The following ETV5 variants were observed in gnomAD, a reference collection of about 807,000 sequenced individuals.
ETV5 encodes ETS variant transcription factor 5.
ETV5 carries 10 observed loss-of-function variants against 70.0 expected under a neutral mutation model. The observed-to-expected ratio is 0.14, with a 90% confidence interval of 0.09 to 0.24. ETV5 has a LOEUF of 0.24. Ranked by LOEUF, ETV5 falls within the 10% of genes least tolerant of loss-of-function variation. The pLI, the probability that ETV5 is intolerant of heterozygous loss-of-function variation, is 1.00. For missense variants in ETV5, 453 were observed against 651.2 expected, an observed-to-expected ratio of 0.70 and a Z score of 3.31; for synonymous variants, 216 against 242.2, an observed-to-expected ratio of 0.89 and a Z score of 1.01.
Position 186,048,617 on chromosome 3 carries a change from G to T in ETV5, c.*22C>A, listed in dbSNP as rs770312835. 2 of 1,606,116 alleles carry T rather than the reference G, an allele frequency of 1.2e-6. No individual in the cohort carries two copies. Among genetic ancestry groups the T allele is most frequent in the East Asian group, 4.5e-5 (2 of 44,846 alleles). ...ATGGGAACTGCTAGCTCTAGGGTTT[G>T]GCCACTCCGCCACTCAGAAACTTAG... On this transcript the variant is annotated 3_prime_UTR_variant, in exon 13 of 13. Transcript: ENST00000306376.
intron 6 of ETV5, 23 bp from the exon 7 acceptor site, chr3:186,080,127 A>G: frequency 6.9e-7 from 1 of 1,456,418 alleles, no homozygotes. Flanking sequence ...AAAGAGAAGG[A>G]ACCATTAAGC....
At chr3:186,068,160 T>A (rs1355287244) in intron 7 of ETV5, among the ~76,000 whole-genome samples, 1 of 152,240 alleles carries the variant, frequency 6.6e-6, no homozygotes, top group Non-Finnish European at 1.5e-5. Context: ...ACTACAAAGA[T>A]GGTCACCAAT....
At chr3:186,056,949 C>T in intron 11 of ETV5, 126 bp downstream of exon 11, 1 of 1,112,596 alleles carries the variant, frequency 9.0e-7, no homozygotes, top group Non-Finnish European at 1.3e-6. Flanking sequence ...GCCCACTGGC[C>T]AGGCCAGAAT....
intron 6 of ETV5, 122 bp downstream of exon 6, chr3:186,080,924 A>G (rs1713918397): frequency 1.7e-6 from 2 of 1,205,472 alleles, no homozygotes. Flanking sequence ...CTGCCATGAA[A>G]GAAGGATATG....
At chr3:186,107,070 T>A in intron 1 of ETV5, 1 of 391,878 alleles carries the variant, frequency 2.6e-6, no homozygotes, top group Non-Finnish European at 3.5e-6. Flanking sequence ...ACACTGTGTG[T>A]AGCATATCAA....
chr3:186,070,523 GA>G (rs1713607174), intron 7 of ETV5, among the ~76,000 whole-genome samples: 1 of 152,246 alleles, frequency 6.6e-6, no homozygotes, highest in South Asian at 2.1e-4. Flanking sequence ...CTATAATTGG[GA>G]TTGTTCCGTA....
rs746783130 is a variant in ETV5, at chr3:186,066,089, G to A, written c.651-17C>T. ...CTCTGAAATCTGTAAGAAGAAAGAG[G>A]TTTTCATGTTGAACAAAGACTTGAT... On this transcript the variant is annotated splice_polypyrimidine_tract_variant and intron_variant, in intron 7 of 12. Coordinates refer to ENST00000306376, the MANE Select transcript of ETV5 (RefSeq NM_004454.3). The A allele has an allele frequency of 2.5e-5, 38 of 1,546,316 alleles. No homozygotes were observed. The highest frequency in any genetic ancestry group is 3.2e-5 in the Non-Finnish European group (37 of 1,148,852).
intron 1 of ETV5, among the ~76,000 whole-genome samples, chr3:186,107,946 GC>G (rs1191387596): frequency 1.3e-5 from 2 of 149,148 alleles, no homozygotes; most frequent in African/African-American, 5.0e-5. Flanking sequence ...TCCGACGCAG[GC>G]CCCTCACCCC....
rs1712952562 is a variant in ETV5 at position 186,048,932 on chromosome 3, T to G, written c.1312-72A>C. ...GGGATCAGGGGAAGAGAACGAGGTA[T>G]TCCTAAGTCACAAAGCCAGGGACCA... On this transcript the variant is annotated intron_variant, in intron 12 of 12. Transcript: ENST00000306376. The G allele has an allele frequency of 1.9e-5, 24 of 1,292,766 alleles. No individual in the cohort carries two copies. In the South Asian group the frequency reaches 3.0e-4, roughly 16 times the overall value. The allele number at this position is 1,292,766 out of a possible 1,614,324, so 80.1% of individuals were successfully genotyped here. A position where few individuals can be genotyped will look rare whatever the true frequency, so the allele number is the denominator to read the frequency against.
In ETV5 at chr3:186,105,533, T is replaced by A; in HGVS notation, c.134-37A>T. 1.2e-6 allele frequency: 2 copies of A among 1,613,630 alleles called. No individual in the cohort carries two copies. Among genetic ancestry groups the A allele is most frequent in the Non-Finnish European group, 1.7e-6 (2 of 1,179,596 alleles). On this transcript the variant is annotated intron_variant, in intron 3 of 12. Transcript: ENST00000306376. The surrounding 1 kb of genome is among the most constrained non-coding windows in gnomAD (Gnocchi z 4.5). The stretch of plus-strand genomic sequence containing the variant: ...AAAGAAGACCCCAGAATGAGGATAT[T>A]TCTTTCGCTAGGGAGAAGACAGGGA...
rs1392217029 is a variant in ETV5 at position 186,048,419 on chromosome 3, G to A, written c.*220C>T. 1 of 567,666 alleles carries A rather than the reference G, an allele frequency of 1.8e-6. No individual in the cohort carries two copies. The highest frequency in any genetic ancestry group is 3.2e-6 in the Non-Finnish European group (1 of 317,114). 35.2% of individuals were successfully genotyped at this position (567,666 alleles called of 1,614,324 possible). ...AAACCTCATCAGAATCAAGAGTTGA[G>A]GCACTGGCCTTTTGGTGGTTTTCTG... On this transcript the variant is annotated 3_prime_UTR_variant, in exon 13 of 13. Coordinates refer to ENST00000306376, the MANE Select transcript of ETV5 (RefSeq NM_004454.3).
rs576623118 is a variant in ETV5, at chr3:186,094,234, G to A, written c.232+11071C>T. Among the ~76,000 whole-genome samples, 180 of 152,302 alleles carry A rather than the reference G, an allele frequency of 1.2e-3. 4 individuals are homozygous for A. Among genetic ancestry groups the A allele is most frequent in the Non-Finnish European group, 2.1e-4 (14 of 68,032 alleles). ...CAAAAGAAGTGGTCACGGATGGGAGGAGAGCCTTCCGTCCACGGGTGTAAA... is the reference window on the plus strand; with the variant it reads ...CAAAAGAAGTGGTCACGGATGGGAGAAGAGCCTTCCGTCCACGGGTGTAAA... On this transcript the variant is annotated intron_variant, in intron 5 of 12. Transcript: ENST00000306376.
At chr3:186,095,670 T>A (rs754825626) in intron 5 of ETV5, among the ~76,000 whole-genome samples, 7 of 152,250 alleles carry the variant, frequency 4.6e-5, no homozygotes, top group Non-Finnish European at 1.0e-4. Context: ...AACATAGCAT[T>A]AGCTGCTCAA....
chr3:186,092,873 G>C (rs942925433), intron 5 of ETV5, among the ~76,000 whole-genome samples: 1 of 152,124 alleles, frequency 6.6e-6, no homozygotes, highest in Non-Finnish European at 1.5e-5. Context: ...TCGAGCTGAC[G>C]ATAGCAACAT....
intron 5 of ETV5, among the ~76,000 whole-genome samples, chr3:186,082,690 A>T (rs1034635557): frequency 2.0e-5 from 3 of 152,188 alleles, no homozygotes; most frequent in Admixed American, 6.5e-5. Context: ...AAGTGCTGGG[A>T]TTACAGGCGT....
chr3:186,049,505 C>T (rs993805595), intron 12 of ETV5, among the ~76,000 whole-genome samples: 8 of 152,110 alleles, frequency 5.3e-5, no homozygotes, highest in Admixed American at 6.5e-5. Context: ...GAGACATCTG[C>T]GTCAATGGGA....
intron 1 of ETV5, chr3:186,108,562 G>T (rs914545555): frequency 2.1e-5 from 26 of 1,267,432 alleles, no homozygotes; most frequent in Non-Finnish European, 2.6e-5. Context: ...TCCGCCAAGC[G>T]TCTCTTCTCG....
At chr3:186,106,407 A>G (rs1305711724) in intron 1 of ETV5, among the ~76,000 whole-genome samples, 1 of 152,208 alleles carries the variant, frequency 6.6e-6, no homozygotes, top group Non-Finnish European at 1.5e-5. Context: ...TCTGACATAC[A>G]TGGTGTTTCC....
chr3:186,094,581 A>C (rs1714259424), intron 5 of ETV5, among the ~76,000 whole-genome samples: 1 of 152,224 alleles, frequency 6.6e-6, no homozygotes, highest in African/African-American at 2.4e-5. Flanking sequence ...CTAACAATTT[A>C]GGATTGTTAC....
Sources: gnomAD v4.1 joint callset for allele counts (sites outside exome capture counted in the v4.1 genomes callset) on GRCh38, gnomAD v4.1.1 for gene constraint, Gnocchi (gnomAD v3.1) non-coding constraint, MANE v1.5 for transcripts, NCBI Gene and HGNC (gene_info 2026-07-23, HGNC 2026-07-21) for gene names.